ITGBL1: variants seen among roughly 807,000 people sequenced by gnomAD.
ITGBL1 encodes integrin subunit beta like 1.
A neutral mutation model predicts 68.5 loss-of-function variants in ITGBL1; 51 were observed. The ratio of observed to expected loss-of-function variants is 0.74; its 90% CI spans 0.59 to 0.94. The LOEUF (loss-of-function observed/expected upper bound fraction) is 0.94, where lower values mean the gene tolerates loss of function less well. Among genes scored for constraint, ITGBL1 ranks in the 40% least tolerant of loss-of-function variants. The pLI is 0.00. For synonymous variants in ITGBL1, 209 were observed against 227.3 expected, an observed-to-expected ratio of 0.92 and a Z score of 0.72; for missense variants, 649 against 647.4, an observed-to-expected ratio of 1.00 and a Z score of -0.03.
chr13:101,586,047 C>G (rs114202973), intron 6 of ITGBL1, among the ~76,000 whole-genome samples: 151 of 152,228 alleles, frequency 9.9e-4, no homozygotes, highest in African/African-American at 3.5e-3. Flanking sequence ...TGAACTGACA[C>G]TTCAATCCTC....
At chr13:101,641,665 A>C (rs1323546556) in intron 7 of ITGBL1, among the ~76,000 whole-genome samples, 1 of 150,000 alleles carries the variant, frequency 6.7e-6, no homozygotes, top group Non-Finnish European at 1.5e-5. Flanking sequence ...GCACCCATTA[A>C]CTCCTCATTT....
chr13:101,541,415 G>C lies in ITGBL1; in HGVS notation c.317-26284G>C, dbSNP rs146541321. On this transcript the variant is annotated intron_variant, in intron 2 of 10. Coordinates refer to ENST00000376180, the MANE Select transcript of ITGBL1 (RefSeq NM_004791.3). ...CCAGGGATGAAGCCCACTTGATCAC[G>C]GTGGATAAGCTTTTTGGTGTGCTGC... 2.3e-3 allele frequency among the ~76,000 whole-genome samples: 346 copies of C among 152,230 alleles called. 1 individual carries two copies. The highest frequency in any genetic ancestry group is 7.5e-3 in the African/African-American group (312 of 41,528).
At chr13:101,605,744 GTATGTGCGTA>G (rs1453121058) in intron 7 of ITGBL1, among the ~76,000 whole-genome samples, 14 of 150,906 alleles carry the variant, frequency 9.3e-5, no homozygotes, top group South Asian at 4.2e-4. Flanking sequence ...GTAGACATAT[GTATGTGCGTA>G]TATGTGTGTA....
chr13:101,714,610 C>T, intron 10 of ITGBL1, 59 bp downstream of exon 10: 2 of 1,014,300 alleles, frequency 2.0e-6, no homozygotes, highest in Non-Finnish European at 3.2e-6. Flanking sequence ...AGCCAAGAGA[C>T]ACTCGTCATG....
chr13:101,536,214 G>T (rs1169298685), intron 2 of ITGBL1, among the ~76,000 whole-genome samples: 1 of 151,742 alleles, frequency 6.6e-6, no homozygotes, highest in Non-Finnish European at 1.5e-5. Flanking sequence ...GGCTATACTT[G>T]TTTCTTCTAA....
At chr13:101,468,813 TGTC>T (rs1416170944) in intron 2 of ITGBL1, among the ~76,000 whole-genome samples, 1 of 152,172 alleles carries the variant, frequency 6.6e-6, no homozygotes, top group Non-Finnish European at 1.5e-5. Context: ...CAAAATTACT[TGTC>T]GTACTGATAA....
intron 10 of ITGBL1, 164 bp from the exon 11 acceptor site, chr13:101,715,399 C>T (rs963976300): frequency 2.4e-5 from 15 of 617,632 alleles, no homozygotes; most frequent in East Asian, 1.7e-4. Context: ...TTAGATGTCT[C>T]GCAGCTGCTT....
Position 101,598,195 on chromosome 13 carries a change from G to C in ITGBL1, c.911G>C (p.Gly304Ala). The change falls in exon 7 of 11, where the codon GGC (glycine) becomes GCC (alanine). Residue 304 changes from glycine (G) to alanine (A), a missense_variant. Physicochemically the swap from Gly to Ala is moderately conservative, Grantham distance 60. Transcript: ENST00000376180. Reference sequence around the variant, plus strand: ...TGCGGAAGATGTGACTGCAAAGCAGGCTGGTATGGGAAGAAGTGTGAGCAC... The same window carrying C: ...TGCGGAAGATGTGACTGCAAAGCAGCCTGGTATGGGAAGAAGTGTGAGCAC... ...CNCGRCDCKA[G>A]WYGKKCEHPQ... 6.2e-7 allele frequency: 1 copy of C among 1,613,742 alleles called. No individual in the cohort carries two copies. The highest frequency in any genetic ancestry group is 8.5e-7 in the Non-Finnish European group (1 of 1,179,844).
intron 4 of ITGBL1, 125 bp from the exon 5 acceptor site, chr13:101,579,162 A>T: frequency 1.0e-6 from 1 of 967,228 alleles, no homozygotes; most frequent in Non-Finnish European, 1.6e-6. Context: ...TGATTATTTT[A>T]GGCAAGGAAT....
chr13:101,564,668 T>C (rs180700949), intron 2 of ITGBL1, among the ~76,000 whole-genome samples: 9 of 149,786 alleles, frequency 6.0e-5, no homozygotes, highest in African/African-American at 2.2e-4. Flanking sequence ...AATGAACTTG[T>C]ATCCAGGATA....
intron 6 of ITGBL1, among the ~76,000 whole-genome samples, chr13:101,586,565 C>A (rs948941362): frequency 6.6e-6 from 1 of 152,278 alleles, no homozygotes; most frequent in Middle Eastern, 3.4e-3. Flanking sequence ...AGAGAAAATA[C>A]ATTCAGAGAA....
chr13:101,693,576 T>A (rs1431555086), intron 8 of ITGBL1, among the ~76,000 whole-genome samples: 2 of 151,982 alleles, frequency 1.3e-5, no homozygotes, highest in Non-Finnish European at 2.9e-5. Context: ...AGAGTGTGTG[T>A]CTTAATGGAA....
chr13:101,715,643 G>T lies in ITGBL1; in HGVS notation c.1474G>T (p.Glu492Ter), dbSNP rs1346908159. ...TGCATGTGAAATCTGGCTTGGCTCA[G>T]AATATCCTTAACAATTACATGAGAG... is the stretch of plus-strand genomic sequence containing the variant. ...GNACEIWLGS[E>*]YP The change falls in exon 11 of 11, where the codon GAA becomes TAA. Residue 492 changes from glutamate (E) to a stop codon, truncating the protein, a stop_gained. Coordinates refer to ENST00000376180, the MANE Select transcript of ITGBL1 (RefSeq NM_004791.3). LOFTEE classifies it high-confidence loss of function. The T allele has an allele frequency of 6.2e-7, 1 of 1,609,286 alleles. No homozygotes were observed. The highest frequency in any genetic ancestry group is 8.5e-7 in the Non-Finnish European group (1 of 1,175,734).
chr13:101,579,406 G>A lies in ITGBL1; in HGVS notation c.706G>A (p.Gly236Ser). Residue 236 changes from glycine to serine, a missense_variant, in exon 5 of 11, where the codon GGC (glycine) becomes AGC (serine). Transcript: ENST00000376180. ...ESKRRCTSPD[G>S]KICSNRGTCV... ...CAAGCGAAGATGCACGTCTCCAGATGGCAAAATCTGCAGTAACAGAGGTGT... is the reference window on the plus strand; with the variant it reads ...CAAGCGAAGATGCACGTCTCCAGATAGCAAAATCTGCAGTAACAGAGGTGT... 1 of 1,613,698 alleles carries A rather than the reference G, an allele frequency of 6.2e-7. No homozygotes were observed. The highest frequency in any genetic ancestry group is 8.5e-7 in the Non-Finnish European group (1 of 1,179,802).
intron 7 of ITGBL1, among the ~76,000 whole-genome samples, chr13:101,680,055 G>A (rs993072879): frequency 1.3e-5 from 2 of 152,196 alleles, no homozygotes; most frequent in Admixed American, 6.5e-5. Context: ...TAATGTCAAC[G>A]TGGCTTGCAT....
chr13:101,678,849 G>A (rs371594887), intron 7 of ITGBL1, among the ~76,000 whole-genome samples: 1 of 151,944 alleles, frequency 6.6e-6, no homozygotes, highest in South Asian at 2.1e-4. Flanking sequence ...AAAGTGACTA[G>A]AGCCTGATTC....
At chr13:101,657,564 A>T (rs762253316) in intron 7 of ITGBL1, among the ~76,000 whole-genome samples, 1 of 152,224 alleles carries the variant, frequency 6.6e-6, no homozygotes, top group Non-Finnish European at 1.5e-5. Flanking sequence ...TTTACAAATT[A>T]GCTAAATATG....
At chr13:101,574,983 A>G (rs1225205243) in intron 3 of ITGBL1, among the ~76,000 whole-genome samples, 2 of 152,178 alleles carry the variant, frequency 1.3e-5, no homozygotes, top group Non-Finnish European at 2.9e-5. Flanking sequence ...ACAAATATTT[A>G]TTATATAAAT....
intron 2 of ITGBL1, among the ~76,000 whole-genome samples, chr13:101,510,334 A>G (rs1434240144): frequency 6.6e-6 from 1 of 152,186 alleles, no homozygotes; most frequent in Admixed American, 6.6e-5. Flanking sequence ...TGCAAAGAAC[A>G]TGATTTCATT....
Sources: allele counts gnomAD v4.1 joint callset (sites outside exome capture counted in the v4.1 genomes callset), GRCh38; gene constraint gnomAD v4.1.1; transcripts MANE v1.5; gene names NCBI Gene and HGNC (gene_info 2026-07-23, HGNC 2026-07-21).